The following SV2C variants were observed in gnomAD, a reference collection of about 807,000 sequenced individuals.
The protein encoded by SV2C is synaptic vesicle glycoprotein 2C, also known as solute carrier family 22 member B3.
A neutral mutation model predicts 79.7 loss-of-function variants in SV2C; 49 were observed. That is an observed-to-expected ratio of 0.61 (90% CI 0.49 to 0.78). The LOEUF (loss-of-function observed/expected upper bound fraction) is 0.78, where lower values mean the gene tolerates loss of function less well. Among genes scored for constraint, SV2C ranks in the 30% least tolerant of loss-of-function variants. The pLI is 0.00. For synonymous variants in SV2C, 334 were observed against 333.2 expected (o/e 1.00, Z -0.03); for missense variants, 833 against 912.9 (o/e 0.91, Z 1.13).
chr5:76,292,048 A>G (rs571440683), intron 8 of SV2C, among the ~76,000 whole-genome samples, 192 bp downstream of exon 8: 8 of 152,322 alleles, frequency 5.3e-5, no homozygotes, highest in South Asian at 4.1e-4. Flanking sequence ...TCATAAAGCT[A>G]AGGTAGCAAA....
chr5:76,034,114 G>A, the SV2C span, among the ~76,000 whole-genome samples: 3 of 151,796 alleles, frequency 2.0e-5, no homozygotes, highest in African/African-American at 7.3e-5. Context: ...CTGAGACTTT[G>A]CTGAAGTTGC....
chr5:75,931,596 C>A, the SV2C span, among the ~76,000 whole-genome samples: 1 of 152,280 alleles, frequency 6.6e-6, no homozygotes, highest in East Asian at 1.9e-4. Context: ...ACTGCTGGCC[C>A]TTTATGCTTA....
At chr5:76,192,960 T>C (rs1455923464) in intron 2 of SV2C, among the ~76,000 whole-genome samples, 3 of 152,208 alleles carry the variant, frequency 2.0e-5, no homozygotes, top group African/African-American at 7.2e-5. Flanking sequence ...GATGTTCTCT[T>C]GTTAGTAAAA....
At chr5:76,291,146 A>G (rs1747547547) in intron 6 of SV2C, 75 bp from the exon 7 acceptor site, 2 of 1,141,408 alleles carry the variant, frequency 1.8e-6, no homozygotes, top group Non-Finnish European at 2.5e-6. Flanking sequence ...TTGCTCCTGT[A>G]AAAACAAATT....
At chr5:76,073,542 T>TAA in the SV2C span, among the ~76,000 whole-genome samples, 16 of 126,334 alleles carry the variant, frequency 1.3e-4, no homozygotes, top group Admixed American at 3.3e-4. Flanking sequence ...TATATATATA[T>TAA]ATACACCATG....
the SV2C span, among the ~76,000 whole-genome samples, chr5:76,061,861 G>A: frequency 1.1e-4 from 16 of 152,018 alleles, no homozygotes; most frequent in African/African-American, 3.4e-4. Context: ...GAAGATAATT[G>A]CAAAAATGGA....
chr5:76,023,644 A>ATG, the SV2C span, among the ~76,000 whole-genome samples: 15 of 147,272 alleles, frequency 1.0e-4, no homozygotes, highest in East Asian at 2.9e-3. Context: ...AGCACATATA[A>ATG]TGTGTGTGTG....
At chr5:76,206,837 T>A (rs1016657668) in intron 3 of SV2C, among the ~76,000 whole-genome samples, 3 of 152,222 alleles carry the variant, frequency 2.0e-5, no homozygotes, top group South Asian at 2.1e-4. Flanking sequence ...AAATATATCA[T>A]CAGCCCACAA....
the SV2C span, among the ~76,000 whole-genome samples, chr5:75,904,709 A>G: frequency 6.6e-6 from 1 of 152,232 alleles, no homozygotes; most frequent in East Asian, 1.9e-4. Flanking sequence ...CATGGTTCCC[A>G]TCTGTCATCC....
the SV2C span, among the ~76,000 whole-genome samples, chr5:76,039,100 A>C: frequency 6.6e-6 from 1 of 152,346 alleles, no homozygotes; most frequent in African/African-American, 2.4e-5. Context: ...AAATGGACAC[A>C]CCTTGGAGAA....
At chr5:75,923,431 T>A in the SV2C span, among the ~76,000 whole-genome samples, 1 of 152,036 alleles carries the variant, frequency 6.6e-6, no homozygotes. Flanking sequence ...AGGACCTAAT[T>A]AAACTAAGAA....
At chr5:75,860,374 A>G in the SV2C span, among the ~76,000 whole-genome samples, 5 of 152,240 alleles carry the variant, frequency 3.3e-5, no homozygotes, top group African/African-American at 9.6e-5. Flanking sequence ...ATAGGAATGT[A>G]TCTAACAAAG....
chr5:75,908,402 T>C, the SV2C span, among the ~76,000 whole-genome samples: 1 of 152,260 alleles, frequency 6.6e-6, no homozygotes, highest in Admixed American at 6.5e-5. Context: ...ACGTCATTCC[T>C]TTTTATGGCT....
intron 3 of SV2C, among the ~76,000 whole-genome samples, chr5:76,198,856 G>T (rs368358941): frequency 5.3e-5 from 8 of 152,168 alleles, no homozygotes; most frequent in African/African-American, 1.9e-4. Context: ...CTACTCACTG[G>T]AACCATGCAA....
intron 3 of SV2C, among the ~76,000 whole-genome samples, chr5:76,200,218 G>A (rs1744399096): frequency 6.6e-6 from 1 of 152,176 alleles, no homozygotes; most frequent in Non-Finnish European, 1.5e-5. Context: ...CCACAGTTCT[G>A]GACTGCATAA....
At chr5:75,993,091 T>G in the SV2C span, among the ~76,000 whole-genome samples, 1 of 152,056 alleles carries the variant, frequency 6.6e-6, no homozygotes. Flanking sequence ...AGGCAATTAC[T>G]GTTCAAAGTG....
chr5:76,017,020 G>A, the SV2C span, among the ~76,000 whole-genome samples: 1 of 152,262 alleles, frequency 6.6e-6, no homozygotes, highest in East Asian at 1.9e-4. Flanking sequence ...TTATCAAAAA[G>A]TGAAGAGTTA....
chr5:76,195,233 C>A, intron 3 of SV2C, 134 bp downstream of exon 3: 1 of 865,668 alleles, frequency 1.2e-6, no homozygotes. Flanking sequence ...CTGGAAACCA[C>A]AATGCTGGTT....
At chr5:76,153,554 A>T (rs1006422319) in intron 2 of SV2C, among the ~76,000 whole-genome samples, 1 of 152,144 alleles carries the variant, frequency 6.6e-6, no homozygotes, top group South Asian at 2.1e-4. Flanking sequence ...CAAAGCCATG[A>T]TCCCTGCTCC....
Sources: gnomAD v4.1 joint callset for allele counts (sites outside exome capture counted in the v4.1 genomes callset) on GRCh38, gnomAD v4.1.1 for gene constraint, MANE v1.5 for transcripts, NCBI Gene and HGNC (gene_info 2026-07-23, HGNC 2026-07-21) for gene names.